The following TPO variants were observed in gnomAD, a reference collection of about 807,000 sequenced individuals.
TPO encodes thyroid peroxidase.
Under a neutral mutation model 96.9 loss-of-function variants are expected in TPO, and 78 were observed. The ratio of observed to expected loss-of-function variants is 0.81; its 90% confidence interval spans 0.67 to 0.97. TPO has a LOEUF of 0.97. Among genes scored for constraint, TPO ranks in the 50% least tolerant of loss-of-function variants. The probability of loss-of-function intolerance (pLI) is 0.00; values close to 1 mark genes in which losing one functional copy is unlikely to be tolerated. For missense variants in TPO, 1,252 were observed against 1,274.8 expected (o/e 0.98, Z 0.27); for synonymous variants, 547 against 538.0 (o/e 1.02, Z -0.23).
intron 16 of TPO, chr2:1,541,247 G>A (rs1024875000): frequency 4.7e-6 from 5 of 1,073,416 alleles, no homozygotes; most frequent in Non-Finnish European, 5.7e-6. Context: ...GTGGGGAGGT[G>A]CTGGTCACAG....
intron 14 of TPO, among the ~76,000 whole-genome samples, chr2:1,516,032 G>A (rs1318029409): frequency 6.6e-6 from 1 of 152,334 alleles, no homozygotes; most frequent in African/African-American, 2.4e-5. Context: ...GGTCAAAGGA[G>A]CTCTGAGTTC....
intron 14 of TPO, among the ~76,000 whole-genome samples, chr2:1,516,477 A>C (rs1674722215): frequency 6.6e-6 from 1 of 152,266 alleles, no homozygotes; most frequent in East Asian, 1.9e-4. Context: ...CGTCCCTTAC[A>C]GCCCACCTTG....
chr2:1,517,040 A>G, intron 15 of TPO, 58 bp downstream of exon 15: 2 of 1,562,172 alleles, frequency 1.3e-6, no homozygotes, highest in South Asian at 1.1e-5. Flanking sequence ...TTTCCTCTGG[A>G]CATGGCTGCA....
chr2:1,494,380 G>A (rs976375831), intron 11 of TPO, among the ~76,000 whole-genome samples: 7 of 152,176 alleles, frequency 4.6e-5, no homozygotes, highest in African/African-American at 1.4e-4. Context: ...CCATGACAAT[G>A]CCCGGGAAAG....
chr2:1,476,971 T>A lies in TPO; in HGVS notation c.820-115T>A, dbSNP rs1163003369. On this transcript the variant is annotated intron_variant, in intron 7 of 16. Coordinates refer to ENST00000329066, the MANE Select transcript of TPO (RefSeq NM_001206744.2). ...GGCTGGACTGACCCCTACAGAGGACTGGAGGGGCAGAGAAACGTGCGGCGC... is the reference window on the plus strand; with the variant it reads ...GGCTGGACTGACCCCTACAGAGGACAGGAGGGGCAGAGAAACGTGCGGCGC... 3 of 1,346,624 alleles carry A rather than the reference T, an allele frequency of 2.2e-6. No individual in the cohort carries two copies. The African/African-American group carries it at 4.3e-5, about 19-fold the overall frequency. The allele number at this position is 1,346,624 out of a possible 1,614,324, so 83.4% of individuals were successfully genotyped here.
At chr2:1,467,628 G>T (rs1321835249) in intron 7 of TPO, among the ~76,000 whole-genome samples, 3 of 152,106 alleles carry the variant, frequency 2.0e-5, no homozygotes, top group Non-Finnish European at 4.4e-5. Flanking sequence ...CTCAGAGAAA[G>T]CTCCATGTGC....
At chr2:1,465,077 A>G (rs1197363169) in intron 7 of TPO, among the ~76,000 whole-genome samples, 1 of 152,182 alleles carries the variant, frequency 6.6e-6, no homozygotes, top group African/African-American at 2.4e-5. Flanking sequence ...GTTTTTGTAT[A>G]AGGTGAGAGA....
intron 16 of TPO, chr2:1,541,681 A>AGAT (rs1680786465): frequency 6.6e-6 from 1 of 152,408 alleles, no homozygotes. Context: ...TGCCAAAAAA[A>AGAT]GATGTGAGGT....
At chr2:1,500,566 G>A (rs966681274) in intron 13 of TPO, among the ~76,000 whole-genome samples, 10 of 152,204 alleles carry the variant, frequency 6.6e-5, no homozygotes, top group Non-Finnish European at 1.3e-4. Flanking sequence ...CTACAGAAAG[G>A]AAGGCTACGG....
intron 1 of TPO, among the ~76,000 whole-genome samples, chr2:1,392,276 C>A (rs1395933097): frequency 6.6e-6 from 1 of 152,116 alleles, no homozygotes; most frequent in African/African-American, 2.4e-5. Context: ...TGGTTTTTGT[C>A]ATTGGTTATG....
At chr2:1,529,148 C>A in intron 15 of TPO, among the ~76,000 whole-genome samples, 1 of 88,952 alleles carries the variant, frequency 1.1e-5, no homozygotes, top group Non-Finnish European at 2.1e-5. Flanking sequence ...CCACTGTGTG[C>A]AACCTCCCTG....
chr2:1,542,211 T>C (rs1680845238), intron 16 of TPO: 1 of 664,794 alleles, frequency 1.5e-6, no homozygotes, highest in South Asian at 1.9e-5. Flanking sequence ...CTTTGCCACG[T>C]GGATCCTCTG....
In TPO at chr2:1,477,397, C is replaced by G. The variant is rs946651205; in HGVS notation, c.1131C>G (p.Pro377=). 2.0e-6 allele frequency: 3 copies of G among 1,525,410 alleles called. No homozygotes were observed. The highest frequency in any genetic ancestry group is 1.2e-5 in the South Asian group (1 of 82,424). 94.5% of individuals were successfully genotyped at this position (1,525,410 alleles called of 1,614,324 possible). ...VPPRAPAACA[P]EPGIPGETRG... is the part of the protein sequence containing the mutation. ...CACGCGCGCCTGCGGCCTGTGCGCC[C>G]GAGCCCGGCATCCCCGGAGAGACCC... is the stretch of plus-strand genomic sequence containing the variant. The change falls in exon 8 of 17, where the codon CCC becomes CCG. Residue 377 remains proline (P), a synonymous_variant. Coordinates refer to ENST00000329066, the MANE Select transcript of TPO (RefSeq NM_001206744.2).
intron 14 of TPO, among the ~76,000 whole-genome samples, chr2:1,515,803 T>C (rs1428020961): frequency 6.6e-6 from 1 of 152,158 alleles, no homozygotes; most frequent in Admixed American, 6.5e-5. Flanking sequence ...CCCCAGCCGC[T>C]GCCTCTGTCT....
At chr2:1,517,761 T>G (rs1674854549) in intron 15 of TPO, among the ~76,000 whole-genome samples, 1 of 152,186 alleles carries the variant, frequency 6.6e-6, no homozygotes, top group Non-Finnish European at 1.5e-5. Context: ...ACCAAACTCC[T>G]TGAGCATCCC....
intron 1 of TPO, among the ~76,000 whole-genome samples, chr2:1,389,492 A>G (rs1046278964): frequency 6.6e-6 from 1 of 152,164 alleles, no homozygotes; most frequent in African/African-American, 2.4e-5. Context: ...GTAACATGGG[A>G]AAAATAACAC....
At chr2:1,508,154 T>C (rs1673681666) in intron 14 of TPO, among the ~76,000 whole-genome samples, 1 of 152,154 alleles carries the variant, frequency 6.6e-6, no homozygotes, top group East Asian at 1.9e-4. Flanking sequence ...ATGTGGTTTT[T>C]GTCTTTGATT....
In TPO at chr2:1,484,807, T is replaced by C. The variant is rs750123635; in HGVS notation, c.1550T>C (p.Leu517Pro). The C allele has an allele frequency of 6.2e-7, 1 of 1,614,044 alleles. No homozygotes were observed. Among genetic ancestry groups the C allele is most frequent in the South Asian group, 1.1e-5 (1 of 91,084 alleles). The change falls in exon 9 of 17, where the codon CTG (leucine) becomes CCG (proline). Residue 517 changes from leucine (L) to proline (P), a missense_variant. Transcript: ENST00000329066. ...CAGGAGCACCCCGACCTGCCCGGGC[T>C]GTGGCTGCACCAGGCTTTCTTCAGC... The part of the protein sequence containing the change: ...SFQEHPDLPG[L>P]WLHQAFFSPW...
At chr2:1,402,825 G>A (rs1307921375) in intron 1 of TPO, among the ~76,000 whole-genome samples, 1 of 152,130 alleles carries the variant, frequency 6.6e-6, no homozygotes, top group Non-Finnish European at 1.5e-5. Context: ...ATGAGATTGA[G>A]GGGGGACACA....
Sources: gnomAD v4.1 joint callset for allele counts (sites outside exome capture counted in the v4.1 genomes callset) on GRCh38, gnomAD v4.1.1 for gene constraint, MANE v1.5 for transcripts, NCBI Gene and HGNC (gene_info 2026-07-23, HGNC 2026-07-21) for gene names.